RFX2: variants seen among roughly 807,000 people sequenced by gnomAD.
RFX2 encodes the protein regulatory factor X2.
A neutral mutation model predicts 87.8 loss-of-function variants in RFX2; 20 were observed. The observed-to-expected ratio is 0.23, with a 90% CI of 0.16 to 0.33. RFX2 has a LOEUF of 0.33. Among genes scored for constraint, RFX2 ranks in the 10% least tolerant of loss-of-function variants. The probability of loss-of-function intolerance (pLI) is 1.00; values close to 1 mark genes in which losing one functional copy is unlikely to be tolerated. For missense variants in RFX2, 767 were observed against 1,012.3 expected (o/e 0.76, Z 3.29); for synonymous variants, 397 against 431.3 (o/e 0.92, Z 0.98).
At position 6,026,467 on chromosome 19, in the gene RFX2, C is replaced by T. The variant is rs1038087424; in HGVS notation, c.523-230G>A. The T allele has an allele frequency of 3.8e-5, 22 of 576,572 alleles. No individual in the cohort carries two copies. Among genetic ancestry groups the T allele is most frequent in the East Asian group, 3.5e-4 (12 of 34,342 alleles). 35.7% of individuals were successfully genotyped at this position (576,572 alleles called of 1,614,324 possible). The stretch of plus-strand genomic sequence containing the variant: ...GCACACGTAGGTAAGCCCGAGAGCC[C>T]GTCCAACAGAAGCAGCAGAAATCAT... On this transcript the variant is annotated intron_variant, in intron 5 of 17. Coordinates refer to ENST00000303657, the MANE Select transcript of RFX2 (RefSeq NM_000635.4). The surrounding 1 kb of genome is among the most constrained non-coding windows in gnomAD (Gnocchi z 4.5).
At chr19:6,100,897 AT>A (rs2088116420) in intron 1 of RFX2, among the ~76,000 whole-genome samples, 1 of 146,500 alleles carries the variant, frequency 6.8e-6, no homozygotes, top group African/African-American at 2.7e-5. Context: ...TTAATTAATC[AT>A]ATCCATTTCC....
chr19:6,100,709 T>A (rs959141443), intron 1 of RFX2, among the ~76,000 whole-genome samples: 1 of 152,028 alleles, frequency 6.6e-6, no homozygotes, highest in African/African-American at 2.4e-5. Context: ...GACTCCACCA[T>A]CCGGCAGTTC....
intron 10 of RFX2, 61 bp downstream of exon 10, chr19:6,008,045 G>T (rs1372784617): frequency 1.6e-6 from 2 of 1,277,634 alleles, no homozygotes; most frequent in African/African-American, 1.5e-5. Flanking sequence ...CGCCTGGCCT[G>T]AGCGCTGGCG....
rs572475734 is a variant in RFX2 at position 5,997,778 on chromosome 19, T to C, written c.1860-565A>G. On this transcript the variant is annotated intron_variant, in intron 15 of 17. Coordinates refer to ENST00000303657, the MANE Select transcript of RFX2 (RefSeq NM_000635.4). This position sits in a 1 kb window ranked among gnomAD's most constrained non-coding sequence, Gnocchi z 4.2. ...GACTTCAGCCCAGATCCAGTCCGCG[T>C]CCAGCCCTCAGCCTGTGTGCTGACA... Among the ~76,000 whole-genome samples the C allele has an allele frequency of 6.6e-6, 1 of 152,308 alleles. No individual in the cohort carries two copies. Among genetic ancestry groups the C allele is most frequent in the African/African-American group, 2.4e-5 (1 of 41,568 alleles).
Position 6,012,857 on chromosome 19 carries a change from G to A in RFX2, c.899+129C>T, listed in dbSNP as rs2086677528. ...GACTCACCTCAGTCTCAGCAGAGGG[G>A]GATACCTTGGCTTTCCCAGGATGCT... On this transcript the variant is annotated intron_variant, in intron 8 of 17. Transcript: ENST00000303657. This position sits in a 1 kb window ranked among gnomAD's most constrained non-coding sequence, Gnocchi z 4.6. 8.7e-6 allele frequency: 8 copies of A among 923,582 alleles called. No individual in the cohort carries two copies. Among genetic ancestry groups the A allele is most frequent in the Non-Finnish European group, 1.2e-5 (8 of 670,260 alleles). The allele number at this position is 923,582 out of a possible 1,614,324, so 57.2% of individuals were successfully genotyped here.
In RFX2 at chr19:6,011,195, A is replaced by G. The variant is rs1007979675; in HGVS notation, c.900-944T>C. On this transcript the variant is annotated intron_variant, in intron 8 of 17. Transcript: ENST00000303657. The surrounding 1 kb of genome is among the most constrained non-coding windows in gnomAD (Gnocchi z 4.8). ...GAGATTCTTTGCGTGAATCACAAACATCTTATTATTGGTGCAATCTTAGAA... is the reference window on the plus strand; with the variant it reads ...GAGATTCTTTGCGTGAATCACAAACGTCTTATTATTGGTGCAATCTTAGAA... Among the ~76,000 whole-genome samples the G allele has an allele frequency of 6.6e-6, 1 of 152,218 alleles. No individual in the cohort carries two copies. Among genetic ancestry groups the G allele is most frequent in the Non-Finnish European group, 1.5e-5 (1 of 68,042 alleles).
Position 5,995,720 on chromosome 19 carries a change from C to T in RFX2, c.2014-77G>A. 5.3e-6 allele frequency: 7 copies of T among 1,329,774 alleles called. No homozygotes were observed. In the East Asian group the frequency reaches 1.0e-4, roughly 19 times the overall value. The allele number at this position is 1,329,774 out of a possible 1,614,324, so 82.4% of individuals were successfully genotyped here. On this transcript the variant is annotated intron_variant, in intron 16 of 17. Coordinates refer to ENST00000303657, the MANE Select transcript of RFX2 (RefSeq NM_000635.4). ...GTTTGGGGGCTCGGGGGATGCCGGC[C>T]CAACCTTGCCTTGAGCCACGTCCTC...
chr19:6,004,824 A>C lies in RFX2; in HGVS notation c.1403-526T>G, dbSNP rs906194923. On this transcript the variant is annotated intron_variant, in intron 12 of 17. Transcript: ENST00000303657. This position sits in a 1 kb window ranked among gnomAD's most constrained non-coding sequence, Gnocchi z 4.8. ...TTAAAAAAAAAAAAAACCAAAAAAC[A>C]AAAACAGAAAAAGGCCAGGTGTGGT... is the stretch of plus-strand genomic sequence containing the variant. Among the ~76,000 whole-genome samples the C allele has an allele frequency of 6.6e-6, 1 of 152,082 alleles. No homozygotes were observed. The highest frequency in any genetic ancestry group is 2.4e-5 in the African/African-American group (1 of 41,452).
At chr19:6,086,022 G>A (rs2087851038) in intron 1 of RFX2, among the ~76,000 whole-genome samples, 1 of 150,730 alleles carries the variant, frequency 6.6e-6, no homozygotes, top group Admixed American at 6.6e-5. Flanking sequence ...AGCCCAGGAG[G>A]CCGAGGCTGC....
intron 1 of RFX2, among the ~76,000 whole-genome samples, chr19:6,078,965 G>A (rs143824257): frequency 0.043 from 6,495 of 152,204 alleles, 471 homozygotes; most frequent in African/African-American, 0.15. Flanking sequence ...TAGTAGAGAC[G>A]GGGTTTCACC....
intron 1 of RFX2, among the ~76,000 whole-genome samples, chr19:6,079,254 A>C (rs1161945307): frequency 1.3e-5 from 2 of 152,228 alleles, no homozygotes; most frequent in African/African-American, 4.8e-5. Context: ...TCTTACAACC[A>C]GAGGTTTTCA....
In RFX2 at chr19:6,011,137, T is replaced by TTAAAATAAAATAAAA. The variant is rs57004871; in HGVS notation, c.900-901_900-887dup. Among the ~76,000 whole-genome samples the TTAAAATAAAATAAAA allele has an allele frequency of 4.0e-4, 61 of 151,142 alleles. No homozygotes were observed. The highest frequency in any genetic ancestry group is 1.5e-3 in the African/African-American group (61 of 40,804). On this transcript the variant is annotated intron_variant, in intron 8 of 17. Transcript: ENST00000303657. This position sits in a 1 kb window ranked among gnomAD's most constrained non-coding sequence, Gnocchi z 4.8. ...GTCTCAAAAAAAATAAATAAATTAATTAAAATAAAATAAAATAAAATAAAA... is the reference window on the plus strand; with the variant it reads ...GTCTCAAAAAAAATAAATAAATTAATTAAAATAAAATAAAATAAAATAAAATAAAATAAAATAAAA...
At chr19:6,046,605 CTTTT>C (rs55854937) in intron 2 of RFX2, among the ~76,000 whole-genome samples, 1,221 of 90,404 alleles carry the variant, frequency 0.014, 1 homozygote, top group Middle Eastern at 0.05. Flanking sequence ...GCCTTTTTGC[CTTTT>C]TTTTTTTTTT....
At position 6,050,427 on chromosome 19, in the gene RFX2, T is replaced by A. The variant is rs1314343609; in HGVS notation, c.-8-2923A>T. On this transcript the variant is annotated intron_variant, in intron 1 of 17. Coordinates refer to ENST00000303657, the MANE Select transcript of RFX2 (RefSeq NM_000635.4). This position sits in a 1 kb window ranked among gnomAD's most constrained non-coding sequence, Gnocchi z 4.6. ...GATGATACAGATAGCATTCAAGGAC[T>A]AAAGCAGCTACTAAAAATAACTTCA... is the stretch of plus-strand genomic sequence containing the variant. Among the ~76,000 whole-genome samples, 1 of 152,180 alleles carries A rather than the reference T, an allele frequency of 6.6e-6. No individual in the cohort carries two copies. The highest frequency in any genetic ancestry group is 1.5e-5 in the Non-Finnish European group (1 of 68,036).
chr19:6,008,330 A>G, intron 9 of RFX2, 106 bp from the exon 10 acceptor site: 1 of 545,980 alleles, frequency 1.8e-6, no homozygotes, highest in South Asian at 3.7e-5. Context: ...GTTCTGCCCC[A>G]CCCCATGCAG....
At position 6,013,109 on chromosome 19, in the gene RFX2, G is replaced by A. The variant is rs1409157800; in HGVS notation, c.780-4C>T. On this transcript the variant is annotated splice_region_variant and splice_polypyrimidine_tract_variant and intron_variant, in intron 7 of 17. Coordinates refer to ENST00000303657, the MANE Select transcript of RFX2 (RefSeq NM_000635.4). This position sits in a 1 kb window ranked among gnomAD's most constrained non-coding sequence, Gnocchi z 4.1. ...GTAATGGTACTTCGAGTTGCCCCTG[G>A]AAACCAAACATCCCAGGGTCAGCTC... The A allele has an allele frequency of 6.3e-7, 1 of 1,587,110 alleles. No individual in the cohort carries two copies. The highest frequency in any genetic ancestry group is 2.3e-5 in the East Asian group (1 of 43,276).
chr19:6,011,146 A>G lies in RFX2; in HGVS notation c.900-895T>C, dbSNP rs1177024867. Among the ~76,000 whole-genome samples, 2 of 151,718 alleles carry G rather than the reference A, an allele frequency of 1.3e-5. No homozygotes were observed. Among genetic ancestry groups the G allele is most frequent in the African/African-American group, 2.4e-5 (1 of 41,176 alleles). ...AAAATAAATAAATTAATTAAAATAAAATAAAATAAAATAAAATAAAAGGGA... is the reference window on the plus strand; with the variant it reads ...AAAATAAATAAATTAATTAAAATAAGATAAAATAAAATAAAATAAAAGGGA... On this transcript the variant is annotated intron_variant, in intron 8 of 17. Coordinates refer to ENST00000303657, the MANE Select transcript of RFX2 (RefSeq NM_000635.4). The surrounding 1 kb of genome is among the most constrained non-coding windows in gnomAD (Gnocchi z 4.8).
At chr19:6,053,992 A>C (rs2087298770) in intron 1 of RFX2, among the ~76,000 whole-genome samples, 1 of 151,700 alleles carries the variant, frequency 6.6e-6, no homozygotes, top group African/African-American at 2.4e-5. Flanking sequence ...TATTTAAAAA[A>C]AGTTAATTAA....
Position 6,021,976 on chromosome 19 carries a change from C to T in RFX2, c.597+4187G>A, listed in dbSNP as rs1210950040. On this transcript the variant is annotated intron_variant, in intron 6 of 17. Coordinates refer to ENST00000303657, the MANE Select transcript of RFX2 (RefSeq NM_000635.4). The surrounding 1 kb of genome is among the most constrained non-coding windows in gnomAD (Gnocchi z 5.7). ...AAGTGGAGGAGGTGGGGGGTGCCAC[C>T]TGGTTCTGGATCTTTCTTGAAGGTG... 2.6e-5 allele frequency among the ~76,000 whole-genome samples: 4 copies of T among 151,904 alleles called. No homozygotes were observed. Among genetic ancestry groups the T allele is most frequent in the Admixed American group, 2.6e-4 (4 of 15,258 alleles).
Sources: allele counts gnomAD v4.1 joint callset (sites outside exome capture counted in the v4.1 genomes callset), GRCh38; gene constraint gnomAD v4.1.1; non-coding constraint Gnocchi (gnomAD v3.1); transcripts MANE v1.5; gene names NCBI Gene and HGNC (gene_info 2026-07-23, HGNC 2026-07-21).